The following NALCN variants were observed in gnomAD, a reference collection of about 807,000 sequenced individuals.
NALCN encodes sodium leak channel, non-selective.
Under a neutral mutation model 225.3 loss-of-function variants are expected in NALCN, and 111 were observed. The observed-to-expected ratio is 0.49, with a 90% confidence interval of 0.42 to 0.58. The LOEUF (loss-of-function observed/expected upper bound fraction) is 0.58. Ranked by LOEUF, NALCN falls within the 20% of genes least tolerant of loss-of-function variation. NALCN has a pLI of 0.00. For missense variants in NALCN, 1,378 were observed against 2,202.4 expected, an observed-to-expected ratio of 0.63 and a Z score of 7.49; for synonymous variants, 764 against 769.0, an observed-to-expected ratio of 0.99 and a Z score of 0.11.
chr13:101,414,717 G>A (rs1024797079), intron 1 of NALCN, among the ~76,000 whole-genome samples: 1 of 152,106 alleles, frequency 6.6e-6, no homozygotes, highest in Non-Finnish European at 1.5e-5. Flanking sequence ...TATCTTGCAA[G>A]TCCTATCCAA....
chr13:101,399,769 T>C (rs979576643), intron 1 of NALCN, among the ~76,000 whole-genome samples: 31 of 152,190 alleles, frequency 2.0e-4, no homozygotes, highest in South Asian at 4.1e-4. Flanking sequence ...AAATTGTTCA[T>C]GAAATTACAT....
intron 39 of NALCN, among the ~76,000 whole-genome samples, 161 bp from the exon 40 acceptor site, chr13:101,065,722 T>A (rs1594127102): frequency 6.6e-6 from 1 of 152,226 alleles, no homozygotes; most frequent in Non-Finnish European, 1.5e-5. Context: ...TAGAATTAAG[T>A]GCACTAAGAA....
chr13:101,414,221 A>G (rs2047869743), intron 1 of NALCN, among the ~76,000 whole-genome samples: 1 of 152,130 alleles, frequency 6.6e-6, no homozygotes, highest in Non-Finnish European at 1.5e-5. Context: ...GCTCACTATC[A>G]TAGTTTCCAC....
intron 37 of NALCN, among the ~76,000 whole-genome samples, chr13:101,073,258 C>T (rs1007668808): frequency 3.9e-5 from 6 of 152,098 alleles, no homozygotes; most frequent in African/African-American, 1.2e-4. Context: ...GGGCAGTGAA[C>T]TATCCACTGA....
intron 3 of NALCN, among the ~76,000 whole-genome samples, chr13:101,382,977 C>T (rs1193936652): frequency 2.6e-5 from 4 of 152,158 alleles, no homozygotes; most frequent in African/African-American, 9.7e-5. Flanking sequence ...CTTTTTGGCT[C>T]ATGTTTCCAA....
At chr13:101,152,878 TG>T (rs1250079319) in intron 15 of NALCN, among the ~76,000 whole-genome samples, 2 of 152,180 alleles carry the variant, frequency 1.3e-5, no homozygotes, top group Non-Finnish European at 2.9e-5. Flanking sequence ...ATATCTTTTT[TG>T]CTCCACTTCA....
chr13:101,136,979 T>C (rs1416057665), intron 17 of NALCN, among the ~76,000 whole-genome samples: 2 of 152,244 alleles, frequency 1.3e-5, no homozygotes, highest in Admixed American at 1.3e-4. Flanking sequence ...TTCCTGACTT[T>C]TTAATGATCG....
intron 3 of NALCN, among the ~76,000 whole-genome samples, chr13:101,380,834 T>C (rs1318690696): frequency 6.7e-6 from 1 of 148,376 alleles, no homozygotes; most frequent in African/African-American, 2.5e-5. Context: ...TGTTTTACAT[T>C]AGAGGATATA....
intron 14 of NALCN, among the ~76,000 whole-genome samples, chr13:101,188,479 A>T (rs1422306229): frequency 1.3e-5 from 2 of 152,002 alleles, no homozygotes; most frequent in African/African-American, 4.8e-5. Flanking sequence ...AACTAAGAAA[A>T]CTTAATATTA....
At chr13:101,278,572 A>C (rs1167509664) in intron 10 of NALCN, among the ~76,000 whole-genome samples, 2 of 150,974 alleles carry the variant, frequency 1.3e-5, no homozygotes, top group African/African-American at 4.9e-5. Flanking sequence ...CTTTTCAATG[A>C]TGCTATTCCT....
In NALCN at chr13:101,144,841, C is replaced by A; in HGVS notation, c.1895G>T (p.Arg632Leu). The A allele has an allele frequency of 1.2e-6, 2 of 1,613,348 alleles. No individual in the cohort carries two copies. Among genetic ancestry groups the A allele is most frequent in the Non-Finnish European group, 1.7e-6 (2 of 1,179,704 alleles). The change falls in exon 16 of 44, where the codon CGA becomes CTA. Residue 632 changes from arginine (R) to leucine (L), a missense_variant. Arg to Leu is a moderately radical substitution (Grantham distance 102). Transcript: ENST00000251127. ...TCTGTTTGGAAATTTTTCAAAGATT[C>A]GCAGGCGTAAAGGGAGCTTTTCTTT... ...DTKEKLPLRL[R>L]IFEKFPNRPQ...
chr13:101,336,641 T>C (rs1163403587), intron 7 of NALCN, among the ~76,000 whole-genome samples: 6 of 152,194 alleles, frequency 3.9e-5, no homozygotes, highest in South Asian at 2.1e-4. Flanking sequence ...AGGATATATA[T>C]AGAAAAGCTT....
chr13:101,180,558 C>T (rs990318578), intron 14 of NALCN: 1 of 162,810 alleles, frequency 6.1e-6, no homozygotes, highest in Non-Finnish European at 1.4e-5. Context: ...TATTAGCTCT[C>T]AACTCAGGGA....
chr13:101,398,060 C>T (rs1482075550), intron 2 of NALCN, among the ~76,000 whole-genome samples: 1 of 152,034 alleles, frequency 6.6e-6, no homozygotes, highest in South Asian at 2.1e-4. Flanking sequence ...TGTGCTGACA[C>T]AGGAAAGGAG....
intron 15 of NALCN, among the ~76,000 whole-genome samples, chr13:101,161,247 C>A (rs1221726263): frequency 6.6e-6 from 1 of 152,178 alleles, no homozygotes; most frequent in Non-Finnish European, 1.5e-5. Flanking sequence ...CATCCTTCTC[C>A]CCTGAACTCC....
chr13:101,178,763 C>A lies in NALCN; in HGVS notation c.1765-2389G>T, dbSNP rs952867066. Among the ~76,000 whole-genome samples the A allele has an allele frequency of 4.6e-5, 7 of 152,132 alleles. No homozygotes were observed. The East Asian group carries it at 9.6e-4, about 21-fold the overall frequency. On this transcript the variant is annotated intron_variant, in intron 14 of 43. Transcript: ENST00000251127. ...ATATTTAACAAGTGGTGCTGTCAAG[C>A]CTTCTTACTTGAGGACTAGTTATTT...
intron 27 of NALCN, among the ~76,000 whole-genome samples, chr13:101,096,526 GA>G (rs1436931265): frequency 3.3e-5 from 5 of 152,174 alleles, no homozygotes; most frequent in Non-Finnish European, 7.4e-5. Flanking sequence ...GAACTCTATA[GA>G]GACAAAAAGA....
rs188417321 is a variant in NALCN, at chr13:101,304,128, A to G, written c.800-11762T>C. Among the ~76,000 whole-genome samples, 25 of 152,308 alleles carry G rather than the reference A, an allele frequency of 1.6e-4. No individual in the cohort carries two copies. In the East Asian group the frequency reaches 3.5e-3, roughly 21 times the overall value. On this transcript the variant is annotated intron_variant, in intron 7 of 43. Transcript: ENST00000251127. Reference sequence around the variant, plus strand: ...TTTGCAGCCAGGTGTTTGAGCTTCAATGACCTCCATTTAAATCTGAGGAAA... The same window carrying G: ...TTTGCAGCCAGGTGTTTGAGCTTCAGTGACCTCCATTTAAATCTGAGGAAA...
intron 15 of NALCN, among the ~76,000 whole-genome samples, chr13:101,162,128 C>T (rs2139871578): frequency 6.6e-6 from 1 of 152,284 alleles, no homozygotes; most frequent in Middle Eastern, 3.4e-3. Context: ...CATCCTCACC[C>T]CTGACCACCA....
Sources: allele counts gnomAD v4.1 joint callset (sites outside exome capture counted in the v4.1 genomes callset), GRCh38; gene constraint gnomAD v4.1.1; transcripts MANE v1.5; gene names NCBI Gene and HGNC (gene_info 2026-07-23, HGNC 2026-07-21).